Variants in CCDC14 observed in about 807,000 individuals in gnomAD.
CCDC14 encodes the protein coiled-coil domain-containing protein 14.
A neutral mutation model predicts 81.4 loss-of-function variants in CCDC14; 71 were observed. That is an observed-to-expected ratio of 0.87 (90% CI 0.72 to 1.06). CCDC14 has a LOEUF of 1.06. CCDC14 is among the 50% of genes least tolerant of loss of function. The pLI is 0.00. For synonymous variants in CCDC14, 332 were observed against 364.8 expected (o/e 0.91, Z 1.03); for missense variants, 1,046 against 1,047.3 (o/e 1.00, Z 0.02).
chr3:123,948,687 G>T lies in CCDC14; in HGVS notation c.684+4C>A. ...TACTTATGTAGTATAAGAACTGTAC[G>T]CACAGAATGAACCTTTGGAGGGCAG... On this transcript the variant is annotated splice_donor_region_variant and intron_variant, in intron 7 of 12. Transcript: ENST00000409697. The T allele has an allele frequency of 6.3e-7, 1 of 1,591,924 alleles. No homozygotes were observed.
downstream of CCDC14, among the ~76,000 whole-genome samples, chr3:123,909,870 GAAGA>G (rs1332688125): frequency 6.6e-6 from 1 of 152,208 alleles, no homozygotes; most frequent in African/African-American, 2.4e-5. Flanking sequence ...ACAACATAAT[GAAGA>G]AAGGCAACTG....
At chr3:123,929,211 C>G (rs984763604) in intron 12 of CCDC14, among the ~76,000 whole-genome samples, 1 of 152,128 alleles carries the variant, frequency 6.6e-6, no homozygotes, top group African/African-American at 2.4e-5. Flanking sequence ...CATGCTGACT[C>G]ACTATTTTTT....
chr3:123,898,166 C>A (rs1033315156), intron 5 of CCDC14, among the ~76,000 whole-genome samples: 1 of 152,168 alleles, frequency 6.6e-6, no homozygotes, highest in Non-Finnish European at 1.5e-5. Context: ...TGACCTTGCA[C>A]AAGTGACTTA....
chr3:123,900,490 G>A (rs1348247281), intron 5 of CCDC14, among the ~76,000 whole-genome samples: 1 of 152,200 alleles, frequency 6.6e-6, no homozygotes, highest in East Asian at 1.9e-4. Context: ...GTCTTAGAAA[G>A]GTGTATATCC....
chr3:123,885,188 T>G, the CCDC14 span, among the ~76,000 whole-genome samples: 1 of 152,122 alleles, frequency 6.6e-6, no homozygotes, highest in African/African-American at 2.4e-5. Context: ...TTTTTAAAAA[T>G]TTTTTAATTG....
intron 9 of CCDC14, among the ~76,000 whole-genome samples, chr3:123,936,925 T>C (rs572359833): frequency 9.2e-5 from 14 of 152,112 alleles, no homozygotes; most frequent in Non-Finnish European, 2.1e-4. Flanking sequence ...TAAGCACTTA[T>C]TTATAGTTTG....
At position 123,915,008 on chromosome 3, in the gene CCDC14, G is replaced by C. The variant is rs1300721350; in HGVS notation, c.2489C>G (p.Thr830Ser). 6.2e-7 allele frequency: 1 copy of C among 1,614,050 alleles called. No homozygotes were observed. Among genetic ancestry groups the C allele is most frequent in the South Asian group, 1.1e-5 (1 of 91,072 alleles). Residue 830 changes from threonine to serine, a missense_variant, in exon 13 of 13, where the codon ACT becomes AGT. Thr to Ser is a moderately conservative substitution (Grantham distance 58, BLOSUM62 1). Transcript: ENST00000409697. ...PAATKEPEEQ[T>S]ACHGPSGCLS... ...ACAACCTGATGGGCCATGACATGCA[G>C]TTTGTTCCTCTGGCTCCTTGGTGGC...
chr3:123,947,195 G>A lies in CCDC14; in HGVS notation c.809C>T (p.Thr270Ile), dbSNP rs770447456. The A allele has an allele frequency of 1.9e-6, 3 of 1,613,976 alleles. 1 individual carries two copies. In the South Asian group the frequency reaches 3.3e-5, roughly 18 times the overall value. The change falls in exon 8 of 13, where the codon ACT becomes ATT. Residue 270 changes from threonine to isoleucine, a missense_variant. Thr to Ile is a moderately conservative substitution (Grantham distance 89). Coordinates refer to ENST00000409697, the MANE Select transcript of CCDC14 (RefSeq NM_001366335.1). ...SPGVPCSLPKTDISAIPTLQQ... is the reference protein window; with the variant it reads ...SPGVPCSLPKIDISAIPTLQQ... ...CAATGTTGGAATAGCTGATATGTCA[G>A]TTTTGGGCAGGCTACATGGAACTCC...
chr3:123,888,952 C>G, the CCDC14 span, among the ~76,000 whole-genome samples: 1 of 152,180 alleles, frequency 6.6e-6, no homozygotes, highest in Non-Finnish European at 1.5e-5. Context: ...AATAGTCTCC[C>G]AATCTTAACT....
intron 8 of CCDC14, 131 bp downstream of exon 8, chr3:123,946,672 C>A: frequency 1.1e-6 from 1 of 884,408 alleles, no homozygotes; most frequent in Non-Finnish European, 1.7e-6. Flanking sequence ...ATAAGTAGAA[C>A]TCATTTTCTT....
At chr3:123,922,140 G>C (rs990321926) in intron 12 of CCDC14, among the ~76,000 whole-genome samples, 2 of 151,960 alleles carry the variant, frequency 1.3e-5, no homozygotes, top group African/African-American at 4.8e-5. Flanking sequence ...AGACAAAGAA[G>C]AAATTAAAAG....
chr3:123,909,614 TAC>T (rs1037089317), downstream of CCDC14, among the ~76,000 whole-genome samples: 2 of 152,350 alleles, frequency 1.3e-5, no homozygotes, highest in African/African-American at 2.4e-5. Context: ...TCTATTATAG[TAC>T]ACACACATAC....
intron 9 of CCDC14, among the ~76,000 whole-genome samples, chr3:123,934,285 A>AAC (rs2035933298): frequency 6.6e-6 from 1 of 150,666 alleles, no homozygotes; most frequent in Non-Finnish European, 1.5e-5. Context: ...AAAAAAAAAA[A>AAC]AAAAAAAAAA....
At chr3:123,889,078 GGGGATA>G in the CCDC14 span, among the ~76,000 whole-genome samples, 1 of 152,148 alleles carries the variant, frequency 6.6e-6, no homozygotes, top group Non-Finnish European at 1.5e-5. Flanking sequence ...AAGATGCAAG[GGGGATA>G]TAGGCATTGG....
chr3:123,915,176 T>G lies in CCDC14; in HGVS notation c.2321A>C (p.Glu774Ala), dbSNP rs2034586270. 2 of 1,613,640 alleles carry G rather than the reference T, an allele frequency of 1.2e-6. No homozygotes were observed. The highest frequency in any genetic ancestry group is 1.3e-5 in the African/African-American group (1 of 74,940). ...GATTACAGGTGTACACAGTTTATTT[T>G]CTTTTCCAGAGACAGCAAGTCCGCT... ...SNSGLAVSGK[E>A]NKLCTPVICS... The change falls in exon 13 of 13, where the codon GAA becomes GCA. Residue 774 changes from glutamate (E) to alanine (A), a missense_variant. By Grantham distance (107) the Glu-to-Ala change is moderately radical. Transcript: ENST00000409697.
At chr3:123,894,670 T>C (rs181148118), downstream of CCDC14, among the ~76,000 whole-genome samples, 53 of 152,376 alleles carry the variant, frequency 3.5e-4, no homozygotes, top group African/African-American at 1.2e-3. Flanking sequence ...CCTCCTTGGT[T>C]AAATTTATTC....
intron 12 of CCDC14, among the ~76,000 whole-genome samples, chr3:123,917,244 A>G (rs1255999228): frequency 6.6e-6 from 1 of 151,790 alleles, no homozygotes; most frequent in Non-Finnish European, 1.5e-5. Flanking sequence ...CTGTAATCCC[A>G]GCACTTTGGG....
At chr3:123,886,406 T>C in the CCDC14 span, among the ~76,000 whole-genome samples, 12 of 151,818 alleles carry the variant, frequency 7.9e-5, no homozygotes, top group Admixed American at 7.2e-4. Context: ...CTTTCTTTCT[T>C]TCTTTTCTTT....
At chr3:123,928,144 A>C (rs951422868) in intron 12 of CCDC14, among the ~76,000 whole-genome samples, 12 of 152,056 alleles carry the variant, frequency 7.9e-5, no homozygotes, top group African/African-American at 2.9e-4. Flanking sequence ...CAATTTTCTT[A>C]GTAAATGCAT....
Sources: gnomAD v4.1 joint callset for allele counts (sites outside exome capture counted in the v4.1 genomes callset) on GRCh38, gnomAD v4.1.1 for gene constraint, MANE v1.5 for transcripts, NCBI Gene and HGNC (gene_info 2026-07-23, HGNC 2026-07-21) for gene names.